The following ARMH3 variants were observed in gnomAD, a reference collection of about 807,000 sequenced individuals.
The protein encoded by ARMH3 is armadillo-like helical domain-containing protein 3.
Under a neutral mutation model 99.1 loss-of-function variants are expected in ARMH3, and 60 were observed. The observed-to-expected ratio is 0.61, with a 90% CI of 0.49 to 0.75. The LOEUF (loss-of-function observed/expected upper bound fraction) is 0.75, where lower values mean the gene tolerates loss of function less well. ARMH3 is among the 30% of genes least tolerant of loss of function. The pLI, the probability that ARMH3 is intolerant of heterozygous loss-of-function variation, is 0.00. For synonymous variants in ARMH3, 285 were observed against 292.8 expected (o/e 0.97, Z 0.27); for missense variants, 679 against 843.1 (o/e 0.81, Z 2.41).
intron 24 of ARMH3, among the ~76,000 whole-genome samples, chr10:101,872,851 G>T (rs1356325542): frequency 6.6e-6 from 1 of 151,632 alleles, no homozygotes; most frequent in South Asian, 2.1e-4. Context: ...CCAGCTACTC[G>T]GGAGGCTGAG....
intron 23 of ARMH3, among the ~76,000 whole-genome samples, chr10:101,919,831 T>C (rs547739267): frequency 2.0e-5 from 3 of 152,234 alleles, no homozygotes; most frequent in Non-Finnish European, 1.5e-5. Flanking sequence ...CTAGTATTTC[T>C]GGGCTGTACC....
intron 23 of ARMH3, among the ~76,000 whole-genome samples, chr10:101,900,027 C>T (rs912355176): frequency 6.6e-6 from 1 of 152,168 alleles, no homozygotes; most frequent in African/African-American, 2.4e-5. Flanking sequence ...CCATAAAAGG[C>T]ATCATCACTT....
intron 1 of ARMH3, among the ~76,000 whole-genome samples, chr10:102,041,259 G>A (rs1459814728): frequency 6.6e-6 from 1 of 151,180 alleles, no homozygotes; most frequent in East Asian, 1.9e-4. Flanking sequence ...AATCCCACAG[G>A]TCTTTACTGC....
rs1171039318 is a variant in ARMH3, at chr10:102,023,698, T to C, written c.559A>G (p.Ser187Gly). 1.9e-6 allele frequency: 3 copies of C among 1,614,034 alleles called. No homozygotes were observed. Among genetic ancestry groups the C allele is most frequent in the Non-Finnish European group, 2.5e-6 (3 of 1,180,002 alleles). ...ACCTGTAAAATTGCTTCAAATATGC[T>C]GTTGATCATTACATACTCGAGAATA... Reference protein sequence around the residue: ...NTILEYVMINSIFEAILQILS... With the variant: ...NTILEYVMINGIFEAILQILS... The change falls in exon 7 of 26, where the codon AGC becomes GGC. Residue 187 changes from serine to glycine, a missense_variant. Physicochemically the swap from Ser to Gly is moderately conservative, Grantham distance 56. Coordinates refer to ENST00000370033, the MANE Select transcript of ARMH3 (RefSeq NM_024541.3).
chr10:102,051,109 G>A (rs2067692386), intron 1 of ARMH3, among the ~76,000 whole-genome samples: 2 of 148,726 alleles, frequency 1.3e-5, no homozygotes. Flanking sequence ...AGCAAAGATT[G>A]TGCCACTTGT....
At chr10:101,969,754 G>A (rs1446877829) in intron 20 of ARMH3, among the ~76,000 whole-genome samples, 1 of 152,152 alleles carries the variant, frequency 6.6e-6, no homozygotes, top group East Asian at 1.9e-4. Context: ...TCTTCCTGCA[G>A]GCAAGCAAAT....
At chr10:101,999,768 T>C (rs2066306538) in intron 15 of ARMH3, among the ~76,000 whole-genome samples, 1 of 152,184 alleles carries the variant, frequency 6.6e-6, no homozygotes, top group Non-Finnish European at 1.5e-5. Context: ...AGCAGAATCA[T>C]GATGTCTGCA....
Position 102,005,809 on chromosome 10 carries a change from T to C in ARMH3, c.1048+731A>G, listed in dbSNP as rs145899420. ...TCTTAGGTTCCAGCCATAAGATTTA[T>C]GAAGGGGAAATTTTCACCGTTGTTG... On this transcript the variant is annotated intron_variant, in intron 14 of 25. Transcript: ENST00000370033. 1.7e-4 allele frequency among the ~76,000 whole-genome samples: 26 copies of C among 152,332 alleles called. No individual in the cohort carries two copies. In the East Asian group the frequency reaches 4.8e-3, roughly 28 times the overall value.
intron 24 of ARMH3, 99 bp from the exon 25 acceptor site, chr10:101,849,991 A>T (rs1327208790): frequency 1.0e-6 from 1 of 975,732 alleles, no homozygotes; most frequent in African/African-American, 1.6e-5. Flanking sequence ...GGTCTGTGAC[A>T]ACACCCCCAA....
rs993931603 is a variant in ARMH3 at position 102,032,953 on chromosome 10, C to T, written c.306+73G>A. The stretch of plus-strand genomic sequence containing the variant: ...CATACCTCAGAGCAACTCTAGGTTC[C>T]TCAGTTCAAACAGATGTGTTACAAT... On this transcript the variant is annotated intron_variant, in intron 4 of 25. Transcript: ENST00000370033. 5 of 1,535,250 alleles carry T rather than the reference C, an allele frequency of 3.3e-6. No homozygotes were observed. The African/African-American group carries it at 5.5e-5, about 17-fold the overall frequency.
chr10:101,958,091 T>G (rs765829363), intron 20 of ARMH3, among the ~76,000 whole-genome samples: 4 of 152,160 alleles, frequency 2.6e-5, no homozygotes, highest in Non-Finnish European at 5.9e-5. Flanking sequence ...AAAATGAGGG[T>G]CCCCCTTCCA....
chr10:101,967,721 A>G (rs576957626), intron 20 of ARMH3, among the ~76,000 whole-genome samples: 1 of 152,254 alleles, frequency 6.6e-6, no homozygotes, highest in South Asian at 2.1e-4. Flanking sequence ...TGGGCTACAG[A>G]GCAAGACTCA....
chr10:102,029,837 G>C (rs2067085526), intron 4 of ARMH3, 92 bp from the exon 5 acceptor site: 1 of 1,223,466 alleles, frequency 8.2e-7, no homozygotes, highest in Non-Finnish European at 1.1e-6. Context: ...AGCTGACACT[G>C]AATAAATTCA....
At chr10:101,981,964 G>A (rs1564817484) in intron 19 of ARMH3, among the ~76,000 whole-genome samples, 1 of 144,172 alleles carries the variant, frequency 6.9e-6, no homozygotes, top group Non-Finnish European at 1.5e-5. Context: ...GGAGCTTGCA[G>A]TGAGCCAAGA....
chr10:102,025,373 G>C lies in ARMH3; in HGVS notation c.415-125C>G, dbSNP rs565344274. The C allele has an allele frequency of 1.1e-4, 77 of 681,540 alleles. No individual in the cohort carries two copies. In the African/African-American group the frequency reaches 1.2e-3, roughly 10 times the overall value. 42.2% of individuals were successfully genotyped at this position (681,540 alleles called of 1,614,324 possible). A position where few individuals can be genotyped will look rare whatever the true frequency, so the allele number is the denominator to read the frequency against. ...ATAAAGCAACAACATCATTTCCTTA[G>C]GCCCAGAACTTACAAGATTAAATAA... On this transcript the variant is annotated intron_variant, in intron 5 of 25. Transcript: ENST00000370033.
At chr10:101,989,633 A>ACC (rs1846675990) in intron 19 of ARMH3, among the ~76,000 whole-genome samples, 1 of 152,190 alleles carries the variant, frequency 6.6e-6, no homozygotes, top group Admixed American at 6.5e-5. Context: ...AGGCAGAAGA[A>ACC]TCACTTGAAC....
intron 23 of ARMH3, among the ~76,000 whole-genome samples, chr10:101,932,515 G>A (rs1025938928): frequency 6.6e-6 from 1 of 152,206 alleles, no homozygotes; most frequent in African/African-American, 2.4e-5. Flanking sequence ...AGCAACCCAA[G>A]TGTCCGTTGA....
chr10:101,963,575 T>C (rs945797435), intron 20 of ARMH3, among the ~76,000 whole-genome samples: 3 of 152,104 alleles, frequency 2.0e-5, no homozygotes, highest in Non-Finnish European at 4.4e-5. Flanking sequence ...CTGGCCTATT[T>C]ACTTATTTGT....
intron 23 of ARMH3, among the ~76,000 whole-genome samples, chr10:101,908,664 CTT>C (rs373262667): frequency 2.0e-4 from 28 of 137,268 alleles, no homozygotes; most frequent in Admixed American, 4.4e-4. Context: ...TTTTCTTTTT[CTT>C]TTTTTTTTTT....
Sources: gnomAD v4.1 joint callset for allele counts (sites outside exome capture counted in the v4.1 genomes callset) on GRCh38, gnomAD v4.1.1 for gene constraint, MANE v1.5 for transcripts, NCBI Gene and HGNC (gene_info 2026-07-23, HGNC 2026-07-21) for gene names.